The following OSBPL8 variants were observed in gnomAD, a reference collection of about 807,000 sequenced individuals.
OSBPL8 encodes the protein oxysterol-binding protein-related protein 8.
Under a neutral mutation model 125.5 loss-of-function variants are expected in OSBPL8, and 59 were observed. The ratio of observed to expected loss-of-function variants is 0.47; its 90% CI spans 0.38 to 0.58. OSBPL8 has a LOEUF of 0.58. Among genes scored for constraint, OSBPL8 ranks in the 20% least tolerant of loss-of-function variants. OSBPL8 has a pLI of 0.00. For synonymous variants in OSBPL8, 330 were observed against 338.9 expected, an observed-to-expected ratio of 0.97 and a Z score of 0.29; for missense variants, 758 against 1,047.8, an observed-to-expected ratio of 0.72 and a Z score of 3.82.
intron 4 of OSBPL8, among the ~76,000 whole-genome samples, chr12:76,435,084 C>T (rs1218716423): frequency 1.3e-5 from 2 of 151,256 alleles, no homozygotes; most frequent in African/African-American, 2.4e-5. Context: ...CTCACAATAG[C>T]GAAGATATGG....
chr12:76,474,208 A>C (rs1183535108), intron 2 of OSBPL8, among the ~76,000 whole-genome samples: 2 of 152,320 alleles, frequency 1.3e-5, no homozygotes, highest in East Asian at 3.9e-4. Flanking sequence ...AAAATTTTTT[A>C]AGTATTTTGA....
At chr12:76,364,426 TACTC>T (rs1952328081) in intron 21 of OSBPL8, among the ~76,000 whole-genome samples, 1 of 152,138 alleles carries the variant, frequency 6.6e-6, no homozygotes, top group African/African-American at 2.4e-5. Context: ...CGCATGTTCT[TACTC>T]ATAAGTGGGA....
At chr12:76,390,025 G>A in intron 11 of OSBPL8, 196 bp from the exon 12 acceptor site, 1 of 424,948 alleles carries the variant, frequency 2.4e-6, no homozygotes, top group Non-Finnish European at 4.1e-6. Flanking sequence ...AGACATCAAA[G>A]TGAACAATAT....
At chr12:76,464,931 C>T (rs757547547) in intron 2 of OSBPL8, among the ~76,000 whole-genome samples, 1 of 152,148 alleles carries the variant, frequency 6.6e-6, no homozygotes, top group East Asian at 1.9e-4. Flanking sequence ...CTCTATTTAG[C>T]GTTATCATAG....
intron 4 of OSBPL8, among the ~76,000 whole-genome samples, chr12:76,450,328 G>A (rs1252463813): frequency 6.6e-6 from 1 of 152,146 alleles, no homozygotes; most frequent in Admixed American, 6.5e-5. Context: ...AAAATAGTTC[G>A]AAGGTTGAGA....
intron 17 of OSBPL8, among the ~76,000 whole-genome samples, chr12:76,374,782 C>T (rs1952748436): frequency 6.6e-6 from 1 of 152,116 alleles, no homozygotes; most frequent in Non-Finnish European, 1.5e-5. Context: ...CCCCAGTATA[C>T]CCTGTCCAAA....
chr12:76,365,463 T>C (rs374950254), intron 21 of OSBPL8, among the ~76,000 whole-genome samples: 11 of 152,198 alleles, frequency 7.2e-5, no homozygotes, highest in East Asian at 3.8e-4. Context: ...GTTGATCTTA[T>C]ACCCTGCAAT....
chr12:76,540,294 G>C (rs190704267), intron 1 of OSBPL8, among the ~76,000 whole-genome samples: 91 of 152,154 alleles, frequency 6.0e-4, no homozygotes, highest in African/African-American at 2.1e-3. Context: ...ACTTGCCCAA[G>C]ATCCCAGGGC....
intron 15 of OSBPL8, among the ~76,000 whole-genome samples, chr12:76,381,584 G>A (rs906045162): frequency 1.3e-5 from 2 of 152,036 alleles, no homozygotes; most frequent in African/African-American, 4.8e-5. Context: ...CTGACGTACT[G>A]AACCTTTTTA....
At chr12:76,463,240 C>G (rs1874964563) in intron 2 of OSBPL8, among the ~76,000 whole-genome samples, 1 of 151,888 alleles carries the variant, frequency 6.6e-6, no homozygotes, top group South Asian at 2.1e-4. Context: ...GAAAATAGAG[C>G]AAACAAGATT....
chr12:76,533,860 T>C (rs1302647833), intron 1 of OSBPL8, among the ~76,000 whole-genome samples: 3 of 152,176 alleles, frequency 2.0e-5, no homozygotes, highest in South Asian at 4.1e-4. Flanking sequence ...TCTATAGTCA[T>C]TTCCAGTAGG....
intron 1 of OSBPL8, among the ~76,000 whole-genome samples, chr12:76,516,514 G>A (rs1014526935): frequency 3.9e-5 from 6 of 152,160 alleles, no homozygotes; most frequent in Non-Finnish European, 8.8e-5. Context: ...AAAAGCGTAT[G>A]ACCCTAGAAG....
intron 4 of OSBPL8, among the ~76,000 whole-genome samples, chr12:76,431,126 G>T (rs543098907): frequency 5.9e-5 from 9 of 151,984 alleles, no homozygotes; most frequent in Non-Finnish European, 8.8e-5. Context: ...ATGAGGTGGG[G>T]GGAGGTAAAA....
At chr12:76,413,704 T>C (rs913485646) in intron 4 of OSBPL8, among the ~76,000 whole-genome samples, 2 of 152,204 alleles carry the variant, frequency 1.3e-5, no homozygotes, top group African/African-American at 2.4e-5. Context: ...TGATTACTAA[T>C]GGTGTTGAGA....
rs74103409 is a variant in OSBPL8 at position 76,375,551 on chromosome 12, C to A, written c.1730-181G>T. Among the ~76,000 whole-genome samples, 358 of 152,124 alleles carry A rather than the reference C, an allele frequency of 2.4e-3. 4 individuals are homozygous for A. The highest frequency in any genetic ancestry group is 8.3e-3 in the African/African-American group (346 of 41,512). On this transcript the variant is annotated intron_variant, in intron 16 of 23. Transcript: ENST00000261183. ...TTCTGTAGGATATAAATAGATAACACCTGATTCACATTATGTGCAGATTCC... is the reference window on the plus strand; with the variant it reads ...TTCTGTAGGATATAAATAGATAACAACTGATTCACATTATGTGCAGATTCC...
chr12:76,552,357 C>T (rs752603317), intron 1 of OSBPL8, among the ~76,000 whole-genome samples: 13 of 134,220 alleles, frequency 9.7e-5, no homozygotes, highest in South Asian at 2.4e-4. Context: ...GCCCAGGAGG[C>T]GAAGGTTGCA....
chr12:76,480,010 T>C (rs1877283368), intron 2 of OSBPL8, among the ~76,000 whole-genome samples: 1 of 151,284 alleles, frequency 6.6e-6, no homozygotes. Context: ...CTACTAAAAA[T>C]ACAAAAATTA....
intron 1 of OSBPL8, among the ~76,000 whole-genome samples, chr12:76,553,416 C>T (rs897475461): frequency 6.6e-6 from 1 of 150,888 alleles, no homozygotes; most frequent in African/African-American, 2.4e-5. Flanking sequence ...ATAATCCCAG[C>T]ACTTTGGGAG....
chr12:76,433,947 C>T (rs1871148646), intron 4 of OSBPL8, among the ~76,000 whole-genome samples: 1 of 131,214 alleles, frequency 7.6e-6, no homozygotes, highest in Non-Finnish European at 1.5e-5. Context: ...TGCACTCCAG[C>T]TTGGGCAACA....
Sources: allele counts gnomAD v4.1 joint callset (sites outside exome capture counted in the v4.1 genomes callset), GRCh38; gene constraint gnomAD v4.1.1; transcripts MANE v1.5; gene names NCBI Gene and HGNC (gene_info 2026-07-23, HGNC 2026-07-21).